The following ZNF423 variants were observed in gnomAD, a reference collection of about 807,000 sequenced individuals.
The protein encoded by ZNF423 is Ebf-associated zinc finger protein.
In ZNF423, 12 loss-of-function variants were observed where a neutral mutation model predicts 95.8. The observed-to-expected ratio is 0.13, with a 90% CI of 0.08 to 0.20. The LOEUF (loss-of-function observed/expected upper bound fraction) is 0.20, where lower values mean the gene tolerates loss of function less well. ZNF423 is among the 10% of genes least tolerant of loss of function. ZNF423 has a pLI of 1.00. For missense variants in ZNF423, 1,316 were observed against 1,737.1 expected, an observed-to-expected ratio of 0.76 and a Z score of 4.31; for synonymous variants, 749 against 711.9, an observed-to-expected ratio of 1.05 and a Z score of -0.83.
rs751708097 is a variant in ZNF423, at chr16:49,637,867, G to A, written c.1309C>T (p.Leu437=). ...GGCTTGTCCGCGTGGATGGTCTTCAGGTGGATCTCCAGCACGGCCAGGCTG... is the reference window on the plus strand; with the variant it reads ...GGCTTGTCCGCGTGGATGGTCTTCAAGTGGATCTCCAGCACGGCCAGGCTG... ...FNSLAVLEIH[L]KTIHADKPQQ... is the part of the protein sequence containing the mutation. The change falls in exon 4 of 8, where the codon CTG becomes TTG. Residue 437 remains leucine, a synonymous_variant. Coordinates refer to ENST00000563137, the MANE Select transcript of ZNF423 (RefSeq NM_001379286.1). The surrounding 1 kb of genome is among the most constrained non-coding windows in gnomAD (Gnocchi z 5.6). 2.5e-6 allele frequency: 4 copies of A among 1,614,196 alleles called. No homozygotes were observed. The East Asian group carries it at 6.7e-5, about 27-fold the overall frequency.
chr16:49,642,060 AG>A (rs1972991950), intron 3 of ZNF423, among the ~76,000 whole-genome samples: 2 of 152,274 alleles, frequency 1.3e-5, no homozygotes, highest in South Asian at 2.1e-4. Context: ...AATAAGAATT[AG>A]TACTAATTAG....
chr16:49,788,083 G>C (rs548785163), intron 2 of ZNF423, among the ~76,000 whole-genome samples: 32 of 152,338 alleles, frequency 2.1e-4, no homozygotes, highest in African/African-American at 7.7e-4. Context: ...CCCAAGGCCT[G>C]TCCTAGTCCT....
intron 5 of ZNF423, among the ~76,000 whole-genome samples, chr16:49,578,976 T>C (rs1429142886): frequency 6.6e-6 from 1 of 152,162 alleles, no homozygotes; most frequent in Non-Finnish European, 1.5e-5. Flanking sequence ...TTTTCCCCGC[T>C]TCCTCTGCTC....
intron 7 of ZNF423, among the ~76,000 whole-genome samples, chr16:49,519,471 G>C (rs1968295821): frequency 1.3e-5 from 2 of 152,134 alleles, no homozygotes; most frequent in African/African-American, 4.8e-5. Flanking sequence ...TATGTGGGTG[G>C]CATCAGGCTA....
intron 1 of ZNF423, among the ~76,000 whole-genome samples, chr16:49,819,736 A>G (rs1048258941): frequency 1.3e-5 from 2 of 152,186 alleles, no homozygotes; most frequent in African/African-American, 4.8e-5. Context: ...GAATGAGCCC[A>G]TCCATGAGTA....
At chr16:49,726,208 G>A (rs572971467) in intron 3 of ZNF423, among the ~76,000 whole-genome samples, 47 of 152,200 alleles carry the variant, frequency 3.1e-4, no homozygotes, top group African/African-American at 8.4e-4. Context: ...CAGCGCAGAC[G>A]GAGCACCCAC....
In ZNF423 at chr16:49,699,467, G is replaced by T. The variant is rs190342160; in HGVS notation, c.301+31304C>A. Reference sequence around the variant, plus strand: ...CCTCCCTGGACATCTGTTTGGGGGCGCAAAGGCTCCTCCCACACCGTCCCC... The same window carrying T: ...CCTCCCTGGACATCTGTTTGGGGGCTCAAAGGCTCCTCCCACACCGTCCCC... On this transcript the variant is annotated intron_variant, in intron 3 of 7. Coordinates refer to ENST00000563137, the MANE Select transcript of ZNF423 (RefSeq NM_001379286.1). Among the ~76,000 whole-genome samples, 13 of 152,308 alleles carry T rather than the reference G, an allele frequency of 8.5e-5. No homozygotes were observed. The East Asian group carries it at 2.3e-3, about 27-fold the overall frequency.
chr16:49,778,192 A>AGT (rs747649464), intron 2 of ZNF423, among the ~76,000 whole-genome samples: 11 of 151,722 alleles, frequency 7.3e-5, no homozygotes, highest in East Asian at 1.9e-4. Flanking sequence ...TGTGTGTGAG[A>AGT]GTGTGTGTGT....
chr16:49,600,871 G>A (rs867712941), intron 5 of ZNF423, among the ~76,000 whole-genome samples: 5 of 152,174 alleles, frequency 3.3e-5, no homozygotes, highest in Non-Finnish European at 2.9e-5. Flanking sequence ...GCTCCGGCCC[G>A]GCCGGCGGCC....
intron 5 of ZNF423, among the ~76,000 whole-genome samples, chr16:49,562,943 C>T (rs1338624056): frequency 1.3e-5 from 2 of 152,078 alleles, no homozygotes; most frequent in East Asian, 1.9e-4. Flanking sequence ...GCCACCAAGC[C>T]CAGCTAATTT....
Position 49,855,102 on chromosome 16 carries a change from T to G in ZNF423, c.40+633A>C. On this transcript the variant is annotated intron_variant, in intron 1 of 7. Coordinates refer to ENST00000563137, the MANE Select transcript of ZNF423 (RefSeq NM_001379286.1). The surrounding 1 kb of genome is among the most constrained non-coding windows in gnomAD (Gnocchi z 4.7). Reference sequence around the variant, plus strand: ...GGGCCTCGGTGGAGGAGGCAGGAAGTGCAGGGGCCCGGGCCGGGAGAAGGC... The same window carrying G: ...GGGCCTCGGTGGAGGAGGCAGGAAGGGCAGGGGCCCGGGCCGGGAGAAGGC... The G allele has an allele frequency of 1.1e-6, 1 of 940,768 alleles. No individual in the cohort carries two copies. The highest frequency in any genetic ancestry group is 1.2e-4 in the East Asian group (1 of 8,266). The allele number at this position is 940,768 out of a possible 1,614,324, so 58.3% of individuals were successfully genotyped here.
intron 5 of ZNF423, among the ~76,000 whole-genome samples, chr16:49,579,913 T>C (rs1448211320): frequency 6.6e-6 from 1 of 152,082 alleles, no homozygotes; most frequent in Non-Finnish European, 1.5e-5. Context: ...ACCAGTGAGT[T>C]TGTCCACCTA....
intron 3 of ZNF423, among the ~76,000 whole-genome samples, chr16:49,704,354 A>G (rs1449179431): frequency 6.6e-6 from 1 of 152,202 alleles, no homozygotes; most frequent in Non-Finnish European, 1.5e-5. Flanking sequence ...TGGGTCCCTC[A>G]GTCCTACCCA....
intron 7 of ZNF423, among the ~76,000 whole-genome samples, chr16:49,514,773 A>G (rs1236006103): frequency 1.3e-5 from 2 of 152,234 alleles, no homozygotes; most frequent in Non-Finnish European, 2.9e-5. Context: ...GGCCCGGCTC[A>G]CGGAATCACT....
chr16:49,508,744 T>C (rs969839696), intron 7 of ZNF423, among the ~76,000 whole-genome samples: 1 of 152,188 alleles, frequency 6.6e-6, no homozygotes, highest in East Asian at 1.9e-4. Flanking sequence ...GCAGGCATGG[T>C]TCCTTATCCT....
intron 2 of ZNF423, among the ~76,000 whole-genome samples, chr16:49,746,232 C>T (rs1204882200): frequency 1.3e-5 from 2 of 152,074 alleles, no homozygotes; most frequent in African/African-American, 2.4e-5. Flanking sequence ...ATTTCCTGCA[C>T]CGTTAAAGGA....
At chr16:49,548,677 C>T (rs1234017651) in intron 5 of ZNF423, among the ~76,000 whole-genome samples, 5 of 152,122 alleles carry the variant, frequency 3.3e-5, no homozygotes, top group African/African-American at 4.8e-5. Flanking sequence ...AGGAGACAGC[C>T]GCCTTCGGGG....
intron 7 of ZNF423, among the ~76,000 whole-genome samples, chr16:49,497,271 T>C (rs1470927159): frequency 1.5e-5 from 2 of 130,724 alleles, no homozygotes; most frequent in Non-Finnish European, 3.3e-5. Context: ...CTTCCACAGA[T>C]GTTCACTGAG....
intron 7 of ZNF423, among the ~76,000 whole-genome samples, chr16:49,519,686 C>G (rs1241098581): frequency 6.6e-6 from 1 of 152,222 alleles, no homozygotes; most frequent in East Asian, 1.9e-4. Flanking sequence ...ACTTTTCATT[C>G]TCTTAACCAT....
Sources: allele counts gnomAD v4.1 joint callset (sites outside exome capture counted in the v4.1 genomes callset), GRCh38; gene constraint gnomAD v4.1.1; non-coding constraint Gnocchi (gnomAD v3.1); transcripts MANE v1.5; gene names NCBI Gene and HGNC (gene_info 2026-07-23, HGNC 2026-07-21).